SLC35D1: variants seen among roughly 807,000 people sequenced by gnomAD.
SLC35D1 encodes nucleotide sugar transporter SLC35D1.
SLC35D1 carries 31 observed loss-of-function variants against 46.7 expected under a neutral mutation model. The ratio of observed to expected loss-of-function variants is 0.66; its 90% CI spans 0.50 to 0.90. The LOEUF is 0.90. SLC35D1 is among the 40% of genes least tolerant of loss of function. The probability of loss-of-function intolerance (pLI) is 0.00; values close to 1 mark genes in which losing one functional copy is unlikely to be tolerated. For synonymous variants in SLC35D1, 195 were observed against 164.6 expected (o/e 1.18, Z -1.41); for missense variants, 397 against 426.2 (o/e 0.93, Z 0.60).
intron 10 of SLC35D1, among the ~76,000 whole-genome samples, chr1:67,014,670 G>GTTTTTTTTTTTTTTTTTTTTTTT (rs34459732): frequency 1.0e-5 from 1 of 99,988 alleles, no homozygotes; most frequent in East Asian, 3.3e-4. Context: ...TCAATTTTTA[G>GTTTTTTTTTTTTTTTTTTTTTTT]TTTTTTTTTT....
At chr1:67,028,816 T>G (rs1207215759) in intron 8 of SLC35D1, among the ~76,000 whole-genome samples, 1 of 152,228 alleles carries the variant, frequency 6.6e-6, no homozygotes, top group African/African-American at 2.4e-5. Context: ...TTTAATTCAC[T>G]GATCTTTTCT....
rs1667336707 is a variant in SLC35D1 at position 67,001,350 on chromosome 1, A to C, written c.*2990T>G. 6.6e-6 allele frequency: 1 copy of C among 152,376 alleles called. No individual in the cohort carries two copies. Among genetic ancestry groups the C allele is most frequent in the African/African-American group, 2.4e-5 (1 of 41,456 alleles). The allele number at this position is 152,376 out of a possible 1,614,324, so 9.4% of individuals were successfully genotyped here. A position where few individuals can be genotyped will look rare whatever the true frequency, so the allele number is the denominator to read the frequency against. ...AAACTAGGTGCAAACTGGAGCCTAC[A>C]AATGATTGACTCATAAAGTCCACAG... On this transcript the variant is annotated 3_prime_UTR_variant, in exon 12 of 12. Transcript: ENST00000235345.
chr1:66,976,297 C>T, the SLC35D1 span, among the ~76,000 whole-genome samples: 4 of 152,146 alleles, frequency 2.6e-5, no homozygotes, highest in African/African-American at 4.8e-5. Context: ...CCACCGTGCC[C>T]GGCCAACTTC....
the SLC35D1 span, among the ~76,000 whole-genome samples, chr1:66,994,235 T>C: frequency 1.3e-5 from 2 of 152,214 alleles, no homozygotes; most frequent in Admixed American, 6.5e-5. Context: ...CAGTGTCACA[T>C]GGCCATCTTA....
chr1:67,049,300 A>G (rs968849930), intron 6 of SLC35D1, among the ~76,000 whole-genome samples: 3 of 152,178 alleles, frequency 2.0e-5, no homozygotes, highest in African/African-American at 7.2e-5. Context: ...TCTCAAAAAA[A>G]AAAAAAAGAA....
At chr1:67,050,312 AG>A in intron 5 of SLC35D1, 120 bp downstream of exon 5, 3 of 716,304 alleles carry the variant, frequency 4.2e-6, no homozygotes, top group South Asian at 1.8e-5. Flanking sequence ...GCCAAGAGAG[AG>A]GGTTGCTTAA....
intron 8 of SLC35D1, among the ~76,000 whole-genome samples, chr1:67,030,561 G>A (rs1667997627): frequency 1.3e-5 from 2 of 151,986 alleles, no homozygotes; most frequent in African/African-American, 4.8e-5. Context: ...AATGATGTCA[G>A]CTACTATATA....
At chr1:66,976,201 A>G in the SLC35D1 span, among the ~76,000 whole-genome samples, 4 of 151,740 alleles carry the variant, frequency 2.6e-5, no homozygotes, top group Non-Finnish European at 5.9e-5. Context: ...ATGGGGTTTC[A>G]CCATCTTGGC....
chr1:67,034,802 T>C (rs1374314482), intron 8 of SLC35D1, among the ~76,000 whole-genome samples: 1 of 152,224 alleles, frequency 6.6e-6, no homozygotes, highest in Non-Finnish European at 1.5e-5. Flanking sequence ...TTCAGTATGA[T>C]ACTACCCATT....
chr1:66,991,390 C>T, the SLC35D1 span, among the ~76,000 whole-genome samples: 9 of 152,080 alleles, frequency 5.9e-5, no homozygotes, highest in African/African-American at 1.9e-4. Flanking sequence ...TCCCAGTTGC[C>T]CTCTGGGTTC....
chr1:66,987,758 G>A, the SLC35D1 span: 1 of 148,174 alleles, frequency 6.7e-6, no homozygotes, highest in African/African-American at 2.6e-5. Flanking sequence ...TTATTGACAA[G>A]GCAAATATAT....
In SLC35D1 at chr1:67,047,220, G is replaced by T. The variant is rs1024229; in HGVS notation, c.636+45C>A. 0.67 allele frequency: 975,765 copies of T among 1,455,790 alleles called. 328,455 individuals are homozygous for T. Among genetic ancestry groups the T allele is most frequent in the African/African-American group, 0.77 (55,278 of 72,022 alleles). The allele number at this position is 1,455,790 out of a possible 1,614,324, so 90.2% of individuals were successfully genotyped here. A position where few individuals can be genotyped will look rare whatever the true frequency, so the allele number is the denominator to read the frequency against. On this transcript the variant is annotated intron_variant, in intron 7 of 11. Coordinates refer to ENST00000235345, the MANE Select transcript of SLC35D1 (RefSeq NM_015139.3). ...CACTTTTTCTCCTATGAATTGACAT[G>T]CCAACATCAGTACACAACTGTTAAA... is the stretch of plus-strand genomic sequence containing the variant.
the SLC35D1 span, among the ~76,000 whole-genome samples, chr1:66,993,636 A>C: frequency 6.6e-6 from 1 of 152,326 alleles, no homozygotes; most frequent in African/African-American, 2.4e-5. Context: ...AGGCAAATTT[A>C]TATTCTAAGC....
intron 8 of SLC35D1, among the ~76,000 whole-genome samples, chr1:67,028,983 T>C (rs1365700590): frequency 1.3e-5 from 2 of 152,224 alleles, no homozygotes; most frequent in African/African-American, 4.8e-5. Context: ...TGAAAAATGT[T>C]GTTTGATAAA....
chr1:67,021,712 GACACAGACACAGACACAC>G (rs1315158086), intron 8 of SLC35D1, 110 bp from the exon 9 acceptor site: 3 of 350,328 alleles, frequency 8.6e-6, no homozygotes, highest in African/African-American at 2.8e-5. Context: ...CACAGACACA[GACACAGACACAGACACAC>G]ACACACACAC....
intron 8 of SLC35D1, among the ~76,000 whole-genome samples, chr1:67,036,277 G>C (rs1292831356): frequency 6.6e-6 from 1 of 152,114 alleles, no homozygotes; most frequent in African/African-American, 2.4e-5. Context: ...TGAAACTGGG[G>C]TGTTGTAGTT....
chr1:66,996,312 T>C (rs534955410), downstream of SLC35D1, among the ~76,000 whole-genome samples: 54 of 152,378 alleles, frequency 3.5e-4, no homozygotes, highest in Admixed American at 1.0e-3. Flanking sequence ...CACCATCTCA[T>C]GCTTAAGCTT....
At chr1:66,989,852 A>AGAT in the SLC35D1 span, among the ~76,000 whole-genome samples, 2 of 152,254 alleles carry the variant, frequency 1.3e-5, no homozygotes, top group Admixed American at 6.5e-5. Context: ...GCATCAGAAT[A>AGAT]GATTGATCTG....
At chr1:66,993,873 T>C in the SLC35D1 span, among the ~76,000 whole-genome samples, 23 of 152,208 alleles carry the variant, frequency 1.5e-4, no homozygotes, top group Admixed American at 2.6e-4. Flanking sequence ...AAATATTACC[T>C]TTTTGGAAAA....
Sources: allele counts gnomAD v4.1 joint callset (sites outside exome capture counted in the v4.1 genomes callset), GRCh38; gene constraint gnomAD v4.1.1; transcripts MANE v1.5; gene names NCBI Gene and HGNC (gene_info 2026-07-23, HGNC 2026-07-21).